ERBB4: variants seen among roughly 807,000 people sequenced by gnomAD.
ERBB4 encodes the protein erb-b2 receptor tyrosine kinase 4.
Under a neutral mutation model 158.0 loss-of-function variants are expected in ERBB4, and 42 were observed. The ratio of observed to expected loss-of-function variants is 0.27; its 90% confidence interval spans 0.21 to 0.34. The LOEUF (loss-of-function observed/expected upper bound fraction) is 0.34, where lower values mean the gene tolerates loss of function less well. Ranked by LOEUF, ERBB4 falls within the 10% of genes least tolerant of loss-of-function variation. ERBB4 has a pLI of 1.00. For synonymous variants in ERBB4, 583 were observed against 558.7 expected, an observed-to-expected ratio of 1.04 and a Z score of -0.61; for missense variants, 1,333 against 1,624.1, an observed-to-expected ratio of 0.82 and a Z score of 3.08.
At chr2:212,366,250 T>C (rs2089885499) in intron 1 of ERBB4, among the ~76,000 whole-genome samples, 1 of 151,962 alleles carries the variant, frequency 6.6e-6, no homozygotes, top group African/African-American at 2.4e-5. Flanking sequence ...ATGATTATAT[T>C]AAAAAGCTTG....
chr2:212,531,073 C>T (rs1188345179), intron 1 of ERBB4, among the ~76,000 whole-genome samples: 1 of 152,074 alleles, frequency 6.6e-6, no homozygotes, highest in Non-Finnish European at 1.5e-5. Context: ...TAGTAATGAT[C>T]CTGTGTTACT....
At chr2:211,829,417 C>A (rs556870657) in intron 3 of ERBB4, among the ~76,000 whole-genome samples, 1 of 152,184 alleles carries the variant, frequency 6.6e-6, no homozygotes, top group East Asian at 1.9e-4. Flanking sequence ...CTCAAGTTCA[C>A]TTATTTTGGT....
chr2:212,101,854 C>T (rs1289472989), intron 2 of ERBB4, among the ~76,000 whole-genome samples: 1 of 151,598 alleles, frequency 6.6e-6, no homozygotes, highest in East Asian at 1.9e-4. Flanking sequence ...ACCTTACTTC[C>T]CTGTCTACCG....
At chr2:211,551,304 A>G (rs13421680) in intron 20 of ERBB4, among the ~76,000 whole-genome samples, 54,587 of 151,962 alleles carry the variant, frequency 0.36, 12,109 homozygotes, top group African/African-American at 0.64. Context: ...TTAAATGATC[A>G]CAGTAAAAAT....
At chr2:212,440,707 C>T (rs915965300) in intron 1 of ERBB4, among the ~76,000 whole-genome samples, 1 of 152,136 alleles carries the variant, frequency 6.6e-6, no homozygotes, top group Non-Finnish European at 1.5e-5. Flanking sequence ...TAGTACTTGA[C>T]ATGAACTGTT....
At chr2:211,422,741 T>C (rs1241061743) in intron 23 of ERBB4, among the ~76,000 whole-genome samples, 1 of 151,920 alleles carries the variant, frequency 6.6e-6, no homozygotes, top group African/African-American at 2.4e-5. Context: ...TCTTCTTAGG[T>C]ATTAAAACCC....
At chr2:212,002,280 A>G (rs940609909) in intron 2 of ERBB4, among the ~76,000 whole-genome samples, 11 of 152,204 alleles carry the variant, frequency 7.2e-5, no homozygotes, top group Non-Finnish European at 1.3e-4. Context: ...AACCTAAAAC[A>G]CATGCAGAAG....
At chr2:212,029,913 A>G (rs2076861313) in intron 2 of ERBB4, among the ~76,000 whole-genome samples, 1 of 152,114 alleles carries the variant, frequency 6.6e-6, no homozygotes, top group Non-Finnish European at 1.5e-5. Flanking sequence ...TTTGCCTCGT[A>G]TATTCCTTAG....
At chr2:211,642,671 T>C (rs1040654685) in intron 16 of ERBB4, among the ~76,000 whole-genome samples, 2 of 152,174 alleles carry the variant, frequency 1.3e-5, no homozygotes, top group Non-Finnish European at 2.9e-5. Flanking sequence ...TTTTAGAGTC[T>C]AGTTTATTGT....
At chr2:211,967,512 T>C (rs1355954624) in intron 2 of ERBB4, among the ~76,000 whole-genome samples, 4 of 151,904 alleles carry the variant, frequency 2.6e-5, no homozygotes, top group Non-Finnish European at 5.9e-5. Context: ...AAATGAAGAG[T>C]TACTCAAGAA....
intron 15 of ERBB4, among the ~76,000 whole-genome samples, chr2:211,664,350 T>TGTGTGTGC (rs1388130521): frequency 2.0e-5 from 3 of 151,982 alleles, no homozygotes; most frequent in African/African-American, 7.2e-5. Context: ...TGTGTGTGTG[T>TGTGTGTGC]GTGTGTCTGT....
intron 2 of ERBB4, among the ~76,000 whole-genome samples, chr2:212,004,992 G>A (rs1050951843): frequency 6.6e-6 from 1 of 151,852 alleles, no homozygotes; most frequent in Non-Finnish European, 1.5e-5. Context: ...TTGCATATTG[G>A]CTAATTGTTT....
At chr2:212,307,200 G>C (rs12468422) in intron 1 of ERBB4, among the ~76,000 whole-genome samples, 1 of 150,866 alleles carries the variant, frequency 6.6e-6, no homozygotes, top group African/African-American at 2.4e-5. Context: ...CAAAGAACTG[G>C]ATCAGATGAC....
At chr2:211,733,173 T>C (rs927540058) in intron 5 of ERBB4, among the ~76,000 whole-genome samples, 17 of 152,190 alleles carry the variant, frequency 1.1e-4, no homozygotes, top group African/African-American at 3.9e-4. Flanking sequence ...TGAAGTTTTA[T>C]TCAACCTATT....
At chr2:212,463,805 T>C (rs916807561) in intron 1 of ERBB4, among the ~76,000 whole-genome samples, 1 of 152,138 alleles carries the variant, frequency 6.6e-6, no homozygotes, top group African/African-American at 2.4e-5. Flanking sequence ...CTGTTTCATA[T>C]TGCAGAATTA....
chr2:211,827,354 G>GT (rs1329743310), intron 3 of ERBB4, among the ~76,000 whole-genome samples: 1 of 151,944 alleles, frequency 6.6e-6, no homozygotes, highest in Non-Finnish European at 1.5e-5. Context: ...CAATAAGAAG[G>GT]TTTTTGTTTG....
In ERBB4 at chr2:211,558,330, C is replaced by T. The variant is rs57970075; in HGVS notation, c.2487+3573G>A. 6.2e-3 allele frequency among the ~76,000 whole-genome samples: 937 copies of T among 152,272 alleles called. 7 individuals are homozygous for T. The highest frequency in any genetic ancestry group is 0.021 in the African/African-American group (857 of 41,562). On this transcript the variant is annotated intron_variant, in intron 20 of 27. Transcript: ENST00000342788. ...TCCTCCATCTTCAAGGTGCACTGCT[C>T]AGCTCTGATCTGTTCTTATGTCTTC...
chr2:212,487,004 C>A (rs899086370), intron 1 of ERBB4, among the ~76,000 whole-genome samples: 1 of 152,118 alleles, frequency 6.6e-6, no homozygotes. Flanking sequence ...TTTGGTTTTG[C>A]ACATTTTCCT....
At chr2:212,073,673 G>T (rs1292632292) in intron 2 of ERBB4, among the ~76,000 whole-genome samples, 1 of 151,984 alleles carries the variant, frequency 6.6e-6, no homozygotes, top group Non-Finnish European at 1.5e-5. Context: ...GCACAGAGCA[G>T]GGTGAAGAAG....
Sources: allele counts gnomAD v4.1 joint callset (sites outside exome capture counted in the v4.1 genomes callset), GRCh38; gene constraint gnomAD v4.1.1; transcripts MANE v1.5; gene names NCBI Gene and HGNC (gene_info 2026-07-23, HGNC 2026-07-21).